PRKN: variants seen among roughly 807,000 people sequenced by gnomAD.
The protein encoded by PRKN is parkin RBR E3 ubiquitin protein ligase.
In PRKN, 56 loss-of-function variants were observed where a neutral mutation model predicts 59.5. That is an observed-to-expected ratio of 0.94 (90% CI 0.76 to 1.18). PRKN has a LOEUF of 1.18. Ranked by LOEUF, PRKN falls within the 50% of genes most tolerant of loss-of-function variation. The pLI, the probability that PRKN is intolerant of heterozygous loss-of-function variation, is 0.00. For synonymous variants in PRKN, 250 were observed against 222.1 expected, an observed-to-expected ratio of 1.13 and a Z score of -1.12; for missense variants, 657 against 596.4, an observed-to-expected ratio of 1.10 and a Z score of -1.06.
At chr6:161,894,784 T>G (rs989879571) in intron 6 of PRKN, among the ~76,000 whole-genome samples, 3 of 152,256 alleles carry the variant, frequency 2.0e-5, no homozygotes, top group Non-Finnish European at 2.9e-5. Flanking sequence ...GCTTGCCATA[T>G]TGGCAGAATT....
chr6:161,386,656 C>T lies in PRKN; in HGVS notation c.1167+138G>A. 2.6e-6 allele frequency: 2 copies of T among 757,176 alleles called. No individual in the cohort carries two copies. The highest frequency in any genetic ancestry group is 4.8e-6 in the Non-Finnish European group (2 of 419,938). 46.9% of individuals were successfully genotyped at this position (757,176 alleles called of 1,614,324 possible). ...GGAGTCATTCTGGGAGAAGCCACGGCCCCATTCCCATGGCTGTCAGCTACC... is the reference window on the plus strand; with the variant it reads ...GGAGTCATTCTGGGAGAAGCCACGGTCCCATTCCCATGGCTGTCAGCTACC... On this transcript the variant is annotated intron_variant, in intron 10 of 11. Transcript: ENST00000366898. The surrounding 1 kb of genome is among the most constrained non-coding windows in gnomAD (Gnocchi z 4.3).
Position 161,356,223 on chromosome 6 carries a change from G to A in PRKN, c.1285+3865C>T, listed in dbSNP as rs557612816. On this transcript the variant is annotated intron_variant, in intron 11 of 11. Transcript: ENST00000366898. This position sits in a 1 kb window ranked among gnomAD's most constrained non-coding sequence, Gnocchi z 7.8. The stretch of plus-strand genomic sequence containing the variant: ...GAGGGAATGGCAGTGCCTCCCCCTC[G>A]AGAGATGGGATGGTGTTGACAGTGC... Among the ~76,000 whole-genome samples, 3 of 152,330 alleles carry A rather than the reference G, an allele frequency of 2.0e-5. No homozygotes were observed. Among genetic ancestry groups the A allele is most frequent in the Non-Finnish European group, 2.9e-5 (2 of 68,026 alleles).
chr6:162,478,070 T>A (rs1388074068), intron 1 of PRKN, among the ~76,000 whole-genome samples: 1 of 152,138 alleles, frequency 6.6e-6, no homozygotes, highest in African/African-American at 2.4e-5. Flanking sequence ...TTATCCACGG[T>A]GAGATCTTCT....
intron 9 of PRKN, among the ~76,000 whole-genome samples, chr6:161,516,665 T>TA (rs887618230): frequency 2.0e-5 from 3 of 149,690 alleles, no homozygotes; most frequent in Admixed American, 6.7e-5. Flanking sequence ...CCATCTCCAC[T>TA]AAAAAACAAA....
chr6:162,043,958 C>T (rs1406141122), intron 5 of PRKN, among the ~76,000 whole-genome samples: 1 of 152,102 alleles, frequency 6.6e-6, no homozygotes, highest in South Asian at 2.1e-4. Context: ...TCTTAATAAC[C>T]CAATAAATAC....
intron 9 of PRKN, among the ~76,000 whole-genome samples, chr6:161,412,993 C>T (rs1451106206): frequency 1.3e-5 from 2 of 152,230 alleles, no homozygotes; most frequent in Non-Finnish European, 2.9e-5. Context: ...GAACAGTAAT[C>T]AGAGACAGGC....
At chr6:162,562,166 C>T (rs142310474) in intron 1 of PRKN, among the ~76,000 whole-genome samples, 337 of 152,272 alleles carry the variant, frequency 2.2e-3, no homozygotes, top group South Asian at 0.011. Context: ...GCCCCAGCTA[C>T]CAGACAACAT....
intron 6 of PRKN, among the ~76,000 whole-genome samples, chr6:161,799,209 T>C (rs1156591661): frequency 2.6e-5 from 4 of 152,202 alleles, no homozygotes; most frequent in Non-Finnish European, 5.9e-5. Flanking sequence ...TTCGAGGCTG[T>C]TGACTCCACA....
At chr6:162,057,573 T>C (rs77710645) in intron 4 of PRKN, among the ~76,000 whole-genome samples, 4,494 of 152,304 alleles carry the variant, frequency 0.03, 113 homozygotes, top group South Asian at 0.071. Flanking sequence ...AGCCTCATTT[T>C]TCTGGCTTAA....
intron 7 of PRKN, among the ~76,000 whole-genome samples, chr6:161,686,852 C>T (rs1562608062): frequency 6.6e-6 from 1 of 152,222 alleles, no homozygotes; most frequent in Non-Finnish European, 1.5e-5. Context: ...GCCTCCATGG[C>T]CCCACACTGC....
At chr6:161,717,119 G>C (rs1027539976) in intron 7 of PRKN, among the ~76,000 whole-genome samples, 1 of 152,214 alleles carries the variant, frequency 6.6e-6, no homozygotes, top group East Asian at 1.9e-4. Context: ...GGATGTGTTA[G>C]TCCATTTGTG....
chr6:161,512,772 G>A (rs780401027), intron 9 of PRKN, among the ~76,000 whole-genome samples: 3 of 152,192 alleles, frequency 2.0e-5, no homozygotes, highest in Admixed American at 1.3e-4. Context: ...CTTACTTGCC[G>A]TCCTCCTGGC....
At chr6:162,140,857 A>C (rs1781748238) in intron 4 of PRKN, among the ~76,000 whole-genome samples, 1 of 152,314 alleles carries the variant, frequency 6.6e-6, no homozygotes, top group Admixed American at 6.5e-5. Context: ...GGCCGGGTGC[A>C]GTGGCTCACG....
At chr6:162,184,861 T>TA (rs1783956781) in intron 4 of PRKN, among the ~76,000 whole-genome samples, 1 of 152,144 alleles carries the variant, frequency 6.6e-6, no homozygotes. Flanking sequence ...TTGAGAAACT[T>TA]AAAGTAAACC....
intron 1 of PRKN, among the ~76,000 whole-genome samples, chr6:162,607,849 G>T (rs566098640): frequency 6.6e-6 from 1 of 152,150 alleles, no homozygotes; most frequent in Non-Finnish European, 1.5e-5. Flanking sequence ...GACTGAGCAG[G>T]AGTCTGGAAA....
chr6:161,506,097 A>G (rs1778158951), intron 9 of PRKN, among the ~76,000 whole-genome samples: 1 of 150,780 alleles, frequency 6.6e-6, no homozygotes, highest in African/African-American at 2.4e-5. Flanking sequence ...ATGGCATTGA[A>G]TCTATAAATT....
At chr6:161,784,952 C>T (rs556426368) in intron 7 of PRKN, among the ~76,000 whole-genome samples, 12 of 152,234 alleles carry the variant, frequency 7.9e-5, no homozygotes, top group South Asian at 4.2e-4. Flanking sequence ...TATTCATACA[C>T]GCTACAACTT....
At chr6:162,429,841 C>G (rs1470328388) in intron 2 of PRKN, among the ~76,000 whole-genome samples, 1 of 152,170 alleles carries the variant, frequency 6.6e-6, no homozygotes, top group Non-Finnish European at 1.5e-5. Context: ...AAGGAAGCAT[C>G]TAAATTCCCG....
chr6:162,710,679 A>T (rs185364685), intron 1 of PRKN, among the ~76,000 whole-genome samples: 1 of 152,278 alleles, frequency 6.6e-6, no homozygotes, highest in African/African-American at 2.4e-5. Context: ...AAGTGTCAGA[A>T]GGGCTTTTCA....
Sources: gnomAD v4.1 joint callset for allele counts (sites outside exome capture counted in the v4.1 genomes callset) on GRCh38, gnomAD v4.1.1 for gene constraint, Gnocchi (gnomAD v3.1) non-coding constraint, MANE v1.5 for transcripts, NCBI Gene and HGNC (gene_info 2026-07-23, HGNC 2026-07-21) for gene names.